SPATA6: variants seen among roughly 807,000 people sequenced by gnomAD.
SPATA6 encodes spermatogenesis associated 6, also known as spermatogenesis-associated protein 6.
SPATA6 carries 56 observed loss-of-function variants against 65.3 expected under a neutral mutation model. That is an observed-to-expected ratio of 0.86 (90% CI 0.69 to 1.07). SPATA6 has a LOEUF of 1.07. Among genes scored for constraint, SPATA6 ranks in the 50% least tolerant of loss-of-function variants. The probability of loss-of-function intolerance (pLI) is 0.00; values close to 1 mark genes in which losing one functional copy is unlikely to be tolerated. For missense variants in SPATA6, 590 were observed against 594.8 expected, an observed-to-expected ratio of 0.99 and a Z score of 0.08; for synonymous variants, 199 against 213.2, an observed-to-expected ratio of 0.93 and a Z score of 0.58.
intron 11 of SPATA6, among the ~76,000 whole-genome samples, chr1:48,309,508 T>C (rs1201775973): frequency 6.6e-6 from 1 of 152,200 alleles, no homozygotes; most frequent in Non-Finnish European, 1.5e-5. Context: ...TAACTTTTGA[T>C]TGAAATTTTA....
At chr1:48,358,247 C>T (rs1646711864) in intron 10 of SPATA6, among the ~76,000 whole-genome samples, 1 of 151,984 alleles carries the variant, frequency 6.6e-6, no homozygotes, top group South Asian at 2.1e-4. Flanking sequence ...GATAAAGTAA[C>T]ACTGAACTAA....
At chr1:48,409,375 G>A (rs2147972149) in intron 5 of SPATA6, among the ~76,000 whole-genome samples, 1 of 152,344 alleles carries the variant, frequency 6.6e-6, no homozygotes, top group East Asian at 1.9e-4. Context: ...TGGCTTTGCA[G>A]GGTATAGCCT....
chr1:48,413,776 G>C (rs1333087944), intron 3 of SPATA6, among the ~76,000 whole-genome samples: 1 of 151,952 alleles, frequency 6.6e-6, no homozygotes, highest in Non-Finnish European at 1.5e-5. Context: ...GCCTATTGTT[G>C]ACCAGAAGCA....
the SPATA6 span, among the ~76,000 whole-genome samples, chr1:48,288,571 G>A: frequency 6.6e-6 from 1 of 152,182 alleles, no homozygotes. Context: ...GGAAGTGCAA[G>A]GGGTCAGAGA....
the SPATA6 span, among the ~76,000 whole-genome samples, chr1:48,276,474 G>A: frequency 6.6e-6 from 1 of 152,194 alleles, no homozygotes; most frequent in African/African-American, 2.4e-5. Context: ...GACATTAAGT[G>A]CTATACATTT....
chr1:48,327,952 G>T (rs1645811449), intron 11 of SPATA6, among the ~76,000 whole-genome samples: 1 of 152,074 alleles, frequency 6.6e-6, no homozygotes, highest in Admixed American at 6.5e-5. Context: ...AACAAACATA[G>T]AATGTACCTC....
chr1:48,279,444 G>C, the SPATA6 span, among the ~76,000 whole-genome samples: 1 of 152,146 alleles, frequency 6.6e-6, no homozygotes, highest in Admixed American at 6.6e-5. Context: ...CCCATCTCAT[G>C]TGCAGAGAAA....
chr1:48,368,988 C>A (rs1488549965), intron 9 of SPATA6, among the ~76,000 whole-genome samples: 2 of 152,120 alleles, frequency 1.3e-5, no homozygotes, highest in Non-Finnish European at 2.9e-5. Flanking sequence ...GATGTCCTTT[C>A]TGTTTGTTAG....
intron 1 of SPATA6, among the ~76,000 whole-genome samples, chr1:48,462,309 C>T (rs1657506443): frequency 1.3e-5 from 2 of 152,070 alleles, no homozygotes; most frequent in South Asian, 4.2e-4. Context: ...CAAACCGGCC[C>T]ATTGTGCACA....
At chr1:48,326,024 G>A (rs776649490) in intron 11 of SPATA6, 21 of 174,302 alleles carry the variant, frequency 1.2e-4, no homozygotes, top group Non-Finnish European at 1.5e-4. Context: ...AGTTTGTCTC[G>A]TTTAACTAAA....
the SPATA6 span, among the ~76,000 whole-genome samples, chr1:48,268,570 G>A: frequency 3.3e-5 from 5 of 151,600 alleles, no homozygotes; most frequent in African/African-American, 1.2e-4. Flanking sequence ...AAAAAATCCA[G>A]AAAAAACTTC....
intron 3 of SPATA6, among the ~76,000 whole-genome samples, chr1:48,438,606 G>A (rs1272131923): frequency 6.6e-6 from 1 of 152,050 alleles, no homozygotes; most frequent in Admixed American, 6.6e-5. Flanking sequence ...AGCCATGATC[G>A]GAACTCTCAA....
At chr1:48,354,693 C>G (rs1646607432) in intron 11 of SPATA6, among the ~76,000 whole-genome samples, 1 of 151,932 alleles carries the variant, frequency 6.6e-6, no homozygotes, top group Non-Finnish European at 1.5e-5. Flanking sequence ...TTATATAAAG[C>G]TCAAAACGTG....
intron 9 of SPATA6, among the ~76,000 whole-genome samples, chr1:48,361,958 T>G (rs2148822511): frequency 6.6e-6 from 1 of 152,226 alleles, no homozygotes; most frequent in South Asian, 2.1e-4. Flanking sequence ...CCCCAATAAC[T>G]GACCAACAAG....
chr1:48,380,093 A>G (rs1648383855), intron 9 of SPATA6, among the ~76,000 whole-genome samples: 1 of 152,222 alleles, frequency 6.6e-6, no homozygotes, highest in South Asian at 2.1e-4. Context: ...AAAAAGTGAG[A>G]ATCTCGGGAA....
chr1:48,394,873 A>G (rs948754164), intron 8 of SPATA6, among the ~76,000 whole-genome samples: 1 of 151,994 alleles, frequency 6.6e-6, no homozygotes, highest in African/African-American at 2.4e-5. Context: ...TAACCATAGC[A>G]CTACTAGGGC....
chr1:48,303,722 T>C (rs776838655), intron 12 of SPATA6, among the ~76,000 whole-genome samples: 3 of 152,208 alleles, frequency 2.0e-5, no homozygotes, highest in Non-Finnish European at 2.9e-5. Flanking sequence ...ACAATAAATA[T>C]GGGAGTGCTG....
At chr1:48,276,593 C>G in the SPATA6 span, among the ~76,000 whole-genome samples, 2 of 152,160 alleles carry the variant, frequency 1.3e-5, no homozygotes, top group African/African-American at 4.8e-5. Flanking sequence ...CTTATTTACC[C>G]AGAAATCATT....
At chr1:48,264,739 G>A in the SPATA6 span, among the ~76,000 whole-genome samples, 4 of 152,130 alleles carry the variant, frequency 2.6e-5, no homozygotes, top group Non-Finnish European at 4.4e-5. Context: ...TGGTATATAC[G>A]TACCACATTT....
Sources: allele counts gnomAD v4.1 joint callset (sites outside exome capture counted in the v4.1 genomes callset), GRCh38; gene constraint gnomAD v4.1.1; transcripts MANE v1.5; gene names NCBI Gene and HGNC (gene_info 2026-07-23, HGNC 2026-07-21).